Variants in LBP observed in about 807,000 individuals in gnomAD.
The protein encoded by LBP is lipopolysaccharide-binding protein.
LBP carries 53 observed loss-of-function variants against 56.6 expected under a neutral mutation model. The observed-to-expected ratio is 0.94, with a 90% CI of 0.75 to 1.18. LBP has a LOEUF of 1.18. Among genes scored for constraint, LBP ranks in the 50% most tolerant of loss-of-function variants. The probability of loss-of-function intolerance (pLI) is 0.00; values close to 1 mark genes in which losing one functional copy is unlikely to be tolerated. For synonymous variants in LBP, 227 were observed against 247.5 expected (o/e 0.92, Z 0.78); for missense variants, 601 against 598.3 (o/e 1.00, Z -0.05).
chr20:38,349,187 T>C (rs2076811793), intron 1 of LBP, among the ~76,000 whole-genome samples: 1 of 152,172 alleles, frequency 6.6e-6, no homozygotes, highest in East Asian at 1.9e-4. Context: ...GATGCCCTCT[T>C]TCTCTAGCCC....
intron 9 of LBP, among the ~76,000 whole-genome samples, chr20:38,367,530 G>A (rs959768502): frequency 6.6e-6 from 1 of 152,160 alleles, no homozygotes. Context: ...GATCTAGAAG[G>A]TTATAGAGTG....
rs1345212828 is a variant in LBP at position 38,363,916 on chromosome 20, C to G, written c.653-59C>G. 4.0e-6 allele frequency: 5 copies of G among 1,257,608 alleles called. No individual in the cohort carries two copies. The African/African-American group carries it at 7.4e-5, about 19-fold the overall frequency. 77.9% of individuals were successfully genotyped at this position (1,257,608 alleles called of 1,614,324 possible). A position where few individuals can be genotyped will look rare whatever the true frequency, so the allele number is the denominator to read the frequency against. On this transcript the variant is annotated intron_variant, in intron 6 of 14. Coordinates refer to ENST00000217407, the MANE Select transcript of LBP (RefSeq NM_004139.5). ...TGTGAGTCAGCCAGAGCCCTTGCCC[C>G]TCCTCCAGCAGCTGAAAGTGTCATC...
At position 38,369,021 on chromosome 20, in the gene LBP, C is replaced by A. The variant is rs11536982; in HGVS notation, c.1008C>A (p.Asn336Lys). Residue 336 changes from asparagine to lysine, a missense_variant, in exon 10 of 15, where the codon AAC becomes AAA. Coordinates refer to ENST00000217407, the MANE Select transcript of LBP (RefSeq NM_004139.5). Reference sequence around the variant, plus strand: ...TAGCCAGGCTCTACCCCAACATGAACCTGGAACTCCAGGGATCAGTGCCCT... The same window carrying A: ...TAGCCAGGCTCTACCCCAACATGAAACTGGAACTCCAGGGATCAGTGCCCT... ...PRLARLYPNMNLELQGSVPSA... is the reference protein window; with the variant it reads ...PRLARLYPNMKLELQGSVPSA... The A allele has an allele frequency of 1.2e-6, 2 of 1,614,170 alleles. No homozygotes were observed. Among genetic ancestry groups the A allele is most frequent in the Non-Finnish European group, 1.7e-6 (2 of 1,180,026 alleles).
At chr20:38,347,193 C>T (rs886296614) in intron 1 of LBP, among the ~76,000 whole-genome samples, 3 of 152,202 alleles carry the variant, frequency 2.0e-5, no homozygotes, top group Non-Finnish European at 2.9e-5. Flanking sequence ...AATTATTTAG[C>T]AATACCTTTA....
At position 38,366,809 on chromosome 20, in the gene LBP, T is replaced by G. The variant is rs2122619318; in HGVS notation, c.962T>G (p.Phe321Cys). 8.1e-6 allele frequency: 13 copies of G among 1,614,156 alleles called. No homozygotes were observed. The highest frequency in any genetic ancestry group is 1.0e-5 in the Non-Finnish European group (12 of 1,180,030). The change falls in exon 9 of 15, where the codon TTC becomes TGC. Residue 321 changes from phenylalanine (F) to cysteine (C), a missense_variant. Physicochemically the swap from Phe to Cys is radical, Grantham distance 205. Transcript: ENST00000217407. ...AATATCCGACTGACCACCAAGTCCT[T>G]CCGACCCTTCGTCCCACGGGTAAGG... ...DSNIRLTTKS[F>C]RPFVPRLARL...
At chr20:38,353,259 CT>C (rs756480840) in intron 3 of LBP, among the ~76,000 whole-genome samples, 1 of 152,148 alleles carries the variant, frequency 6.6e-6, no homozygotes, top group Non-Finnish European at 1.5e-5. Flanking sequence ...ATGTCCACCC[CT>C]ATCTGACTCC....
intron 5 of LBP, among the ~76,000 whole-genome samples, chr20:38,359,767 G>C (rs1051756015): frequency 1.3e-5 from 2 of 152,080 alleles, no homozygotes; most frequent in Admixed American, 6.6e-5. Flanking sequence ...TAAATAATTC[G>C]GGTGATTACA....
chr20:38,366,752 A>C lies in LBP; in HGVS notation c.922-17A>C. On this transcript the variant is annotated splice_polypyrimidine_tract_variant and intron_variant, in intron 8 of 14. Transcript: ENST00000217407. Reference sequence around the variant, plus strand: ...AGCGGGAGCACCCTAAAACTTCTTCATGTCTCTTTGCTGCAGATACCGCCT... The same window carrying C: ...AGCGGGAGCACCCTAAAACTTCTTCCTGTCTCTTTGCTGCAGATACCGCCT... 10 of 1,613,566 alleles carry C rather than the reference A, an allele frequency of 6.2e-6. No homozygotes were observed. Among genetic ancestry groups the C allele is most frequent in the Non-Finnish European group, 8.5e-6 (10 of 1,179,776 alleles).
chr20:38,370,889 G>C (rs1015276018), intron 11 of LBP, 84 bp downstream of exon 11: 29 of 1,135,338 alleles, frequency 2.6e-5, no homozygotes, highest in African/African-American at 9.2e-5. Flanking sequence ...CTGGTGGGAG[G>C]GGGGGCCACC....
At chr20:38,364,489 C>A in intron 7 of LBP, 87 bp from the exon 8 acceptor site, 2 of 1,243,276 alleles carry the variant, frequency 1.6e-6, no homozygotes, top group Non-Finnish European at 2.4e-6. Context: ...AGCCAGCGTC[C>A]CTTCATCGGA....
At chr20:38,373,771 C>T (rs1461941823) in intron 13 of LBP, among the ~76,000 whole-genome samples, 166 bp from the exon 14 acceptor site, 1 of 152,146 alleles carries the variant, frequency 6.6e-6, no homozygotes, top group Non-Finnish European at 1.5e-5. Context: ...CCTCAGTTTC[C>T]TTATCTGTAA....
chr20:38,350,795 A>G lies in LBP; in HGVS notation c.240-16A>G. 2 of 1,595,796 alleles carry G rather than the reference A, an allele frequency of 1.3e-6. No homozygotes were observed. Among genetic ancestry groups the G allele is most frequent in the East Asian group, 4.5e-5 (2 of 44,416 alleles). Reference sequence around the variant, plus strand: ...AGGCCCAGGGCTGACACCTCCTTCCATGTCTCTCCCTTCAGCCTGAACATC... The same window carrying G: ...AGGCCCAGGGCTGACACCTCCTTCCGTGTCTCTCCCTTCAGCCTGAACATC... On this transcript the variant is annotated splice_polypyrimidine_tract_variant and intron_variant, in intron 2 of 14. Transcript: ENST00000217407.
chr20:38,373,069 C>T lies in LBP; in HGVS notation c.1261-3C>T. 6.2e-7 allele frequency: 1 copy of T among 1,613,298 alleles called. No individual in the cohort carries two copies. The highest frequency in any genetic ancestry group is 1.1e-5 in the South Asian group (1 of 91,066). ...TAAATATATCTCTCCTGTTCTCTTC[C>T]AGGCAGAGCTGTTGGAAGCGCTCCT... is the stretch of plus-strand genomic sequence containing the variant. On this transcript the variant is annotated splice_region_variant and splice_polypyrimidine_tract_variant and intron_variant, in intron 12 of 14. Transcript: ENST00000217407.
chr20:38,356,344 C>T (rs1329945549), intron 5 of LBP, among the ~76,000 whole-genome samples: 1 of 134,916 alleles, frequency 7.4e-6, no homozygotes, highest in Non-Finnish European at 1.6e-5. Context: ...ACACCCCCTA[C>T]ATGCACACAC....
chr20:38,356,681 C>T (rs2076842435), intron 5 of LBP, among the ~76,000 whole-genome samples: 1 of 152,152 alleles, frequency 6.6e-6, no homozygotes, highest in South Asian at 2.1e-4. Flanking sequence ...TTATAATTAT[C>T]ACAGTAATCA....
chr20:38,371,206 C>T, intron 11 of LBP, 74 bp from the exon 12 acceptor site: 5 of 1,227,658 alleles, frequency 4.1e-6, no homozygotes, highest in South Asian at 2.6e-5. Flanking sequence ...CATCCTTTCT[C>T]GCTTCTGGGG....
intron 9 of LBP, among the ~76,000 whole-genome samples, chr20:38,368,660 G>A (rs1372428686): frequency 6.6e-6 from 1 of 152,158 alleles, no homozygotes; most frequent in African/African-American, 2.4e-5. Flanking sequence ...CCACCTCTAG[G>A]AATGTTTTCC....
intron 4 of LBP, among the ~76,000 whole-genome samples, chr20:38,354,784 C>G (rs865820588): frequency 1.1e-4 from 16 of 152,040 alleles, no homozygotes; most frequent in African/African-American, 3.9e-4. Context: ...TCTCAGTTTC[C>G]TTGATTAGAA....
intron 6 of LBP, among the ~76,000 whole-genome samples, chr20:38,362,159 C>T (rs1244207610): frequency 1.7e-4 from 26 of 149,710 alleles, no homozygotes; most frequent in East Asian, 1.0e-3. Context: ...CGCGATTTCA[C>T]GCCATTCTCC....
Sources: gnomAD v4.1 joint callset for allele counts (sites outside exome capture counted in the v4.1 genomes callset) on GRCh38, gnomAD v4.1.1 for gene constraint, MANE v1.5 for transcripts, NCBI Gene and HGNC (gene_info 2026-07-23, HGNC 2026-07-21) for gene names.